The following TRIM33 variants were observed in gnomAD, a reference collection of about 807,000 sequenced individuals.
TRIM33 encodes the protein E3 ubiquitin-protein ligase TRIM33.
A neutral mutation model predicts 125.4 loss-of-function variants in TRIM33; 20 were observed. The observed-to-expected ratio is 0.16, with a 90% CI of 0.11 to 0.23. TRIM33 has a LOEUF of 0.23. Ranked by LOEUF, TRIM33 falls within the 10% of genes least tolerant of loss-of-function variation. The pLI is 1.00. For synonymous variants in TRIM33, 564 were observed against 513.9 expected (o/e 1.10, Z -1.32); for missense variants, 920 against 1,411.4 (o/e 0.65, Z 5.58).
intron 16 of TRIM33, among the ~76,000 whole-genome samples, chr1:114,402,549 C>T (rs1199734798): frequency 6.6e-6 from 1 of 151,772 alleles, no homozygotes; most frequent in Non-Finnish European, 1.5e-5. Flanking sequence ...TTAGTTGGGA[C>T]ATGTTAAGTT....
At chr1:114,407,581 C>T (rs1267089194) in intron 13 of TRIM33, among the ~76,000 whole-genome samples, 1 of 152,064 alleles carries the variant, frequency 6.6e-6, no homozygotes, top group African/African-American at 2.4e-5. Flanking sequence ...TCACAGGAAA[C>T]ATGGAAGCTT....
At chr1:114,434,942 A>G (rs1001983608) in intron 4 of TRIM33, among the ~76,000 whole-genome samples, 3 of 152,196 alleles carry the variant, frequency 2.0e-5, no homozygotes, top group Admixed American at 1.3e-4. Context: ...AGAATATGAG[A>G]CAACAACTGA....
intron 4 of TRIM33, among the ~76,000 whole-genome samples, chr1:114,446,942 G>A (rs2101278720): frequency 6.6e-6 from 1 of 152,250 alleles, no homozygotes; most frequent in African/African-American, 2.4e-5. Flanking sequence ...TTGGGAGGCT[G>A]AGGCAGAAGG....
At chr1:114,409,313 G>GT (rs1296550425) in intron 12 of TRIM33, among the ~76,000 whole-genome samples, 2 of 152,176 alleles carry the variant, frequency 1.3e-5, no homozygotes, top group African/African-American at 2.4e-5. Context: ...GAATCACTGA[G>GT]TAATAGGGTT....
chr1:114,465,998 G>A (rs1250125713), intron 1 of TRIM33, among the ~76,000 whole-genome samples: 2 of 151,580 alleles, frequency 1.3e-5, no homozygotes, highest in African/African-American at 2.4e-5. Flanking sequence ...AGCTGAGATC[G>A]CGCCACTGCA....
At chr1:114,461,606 T>C (rs1215041822) in intron 4 of TRIM33, among the ~76,000 whole-genome samples, 1 of 151,970 alleles carries the variant, frequency 6.6e-6, no homozygotes, top group Non-Finnish European at 1.5e-5. Context: ...TAGATATAAG[T>C]GGTAAAGGAA....
chr1:114,467,790 A>C (rs550728392), intron 1 of TRIM33, among the ~76,000 whole-genome samples: 1 of 152,348 alleles, frequency 6.6e-6, no homozygotes, highest in East Asian at 1.9e-4. Flanking sequence ...GACTCTTAGC[A>C]TGACCTAACA....
At chr1:114,416,962 T>C (rs1018438923) in intron 11 of TRIM33, among the ~76,000 whole-genome samples, 8 of 152,168 alleles carry the variant, frequency 5.3e-5, no homozygotes, top group Admixed American at 2.6e-4. Context: ...ACAGCAGCAT[T>C]ATTCCTGACA....
intron 3 of TRIM33, 63 bp from the exon 4 acceptor site, chr1:114,463,299 T>G: frequency 6.4e-7 from 1 of 1,559,640 alleles, no homozygotes; most frequent in Non-Finnish European, 8.7e-7. Flanking sequence ...GTTTTCTAAA[T>G]TCCTATTGAT....
chr1:114,400,240 C>T (rs545502628), intron 17 of TRIM33, among the ~76,000 whole-genome samples: 3 of 152,290 alleles, frequency 2.0e-5, no homozygotes, highest in Non-Finnish European at 2.9e-5. Context: ...CTTGCTCTGT[C>T]GCCCAGGCTG....
chr1:114,448,389 G>A (rs182835914), intron 4 of TRIM33, among the ~76,000 whole-genome samples: 56 of 152,272 alleles, frequency 3.7e-4, no homozygotes, highest in African/African-American at 1.3e-3. Context: ...TGAAGTATTT[G>A]ACATTTAAAA....
At chr1:114,400,364 C>G (rs60072459) in intron 17 of TRIM33, among the ~76,000 whole-genome samples, 1 of 151,998 alleles carries the variant, frequency 6.6e-6, no homozygotes, top group Non-Finnish European at 1.5e-5. Context: ...CTACCACGCC[C>G]GGCTAATTTT....
At chr1:114,468,596 C>T (rs566447330) in intron 1 of TRIM33, 1 of 402,308 alleles carries the variant, frequency 2.5e-6, no homozygotes, top group Non-Finnish European at 4.8e-6. Flanking sequence ...ACTGATGAAG[C>T]TGAAGAAGGT....
intron 11 of TRIM33, among the ~76,000 whole-genome samples, chr1:114,419,492 T>C (rs1050964687): frequency 2.6e-5 from 4 of 152,164 alleles, no homozygotes; most frequent in East Asian, 1.9e-4. Flanking sequence ...AACTTATATA[T>C]TGCCTGTGAA....
intron 1 of TRIM33, among the ~76,000 whole-genome samples, chr1:114,472,106 C>T (rs17032764): frequency 0.16 from 24,192 of 152,074 alleles, 2,309 homozygotes; most frequent in East Asian, 0.38. Context: ...AACACTTATG[C>T]ATCCCAAACA....
At chr1:114,425,334 G>T in intron 9 of TRIM33, 115 bp downstream of exon 9, 1 of 1,351,758 alleles carries the variant, frequency 7.4e-7, no homozygotes, top group Non-Finnish European at 1.0e-6. Context: ...TCTGACTTTT[G>T]AACTCTGCTC....
intron 1 of TRIM33, among the ~76,000 whole-genome samples, chr1:114,479,987 C>G (rs149333631): frequency 5.9e-5 from 9 of 152,112 alleles, no homozygotes; most frequent in African/African-American, 9.7e-5. Flanking sequence ...GTGTACCCAA[C>G]AGCTCATTGA....
intron 1 of TRIM33, among the ~76,000 whole-genome samples, chr1:114,499,324 C>T (rs766597013): frequency 2.0e-5 from 3 of 151,988 alleles, no homozygotes; most frequent in Non-Finnish European, 4.4e-5. Flanking sequence ...TAGATCAAGA[C>T]TCATCTTCCT....
At chr1:114,425,342 C>T (rs1647495008) in intron 9 of TRIM33, 107 bp downstream of exon 9, 1 of 1,413,178 alleles carries the variant, frequency 7.1e-7, no homozygotes, top group East Asian at 2.3e-5. Context: ...TTGAACTCTG[C>T]TCAGTCTTGC....
Sources: gnomAD v4.1 joint callset for allele counts (sites outside exome capture counted in the v4.1 genomes callset) on GRCh38, gnomAD v4.1.1 for gene constraint, MANE v1.5 for transcripts, NCBI Gene and HGNC (gene_info 2026-07-23, HGNC 2026-07-21) for gene names.